FOXI3: variants seen among roughly 807,000 people sequenced by gnomAD.
The protein encoded by FOXI3 is forkhead box protein I3.
A neutral mutation model predicts 15.6 loss-of-function variants in FOXI3; 4 were observed. The observed-to-expected ratio is 0.26, with a 90% confidence interval of 0.13 to 0.59. The LOEUF (loss-of-function observed/expected upper bound fraction) is 0.59, where lower values mean the gene tolerates loss of function less well. Among genes scored for constraint, FOXI3 ranks in the 20% least tolerant of loss-of-function variants. FOXI3 has a pLI of 0.90. For missense variants in FOXI3, 489 were observed against 548.2 expected (o/e 0.89, Z 1.08); for synonymous variants, 238 against 244.4 (o/e 0.97, Z 0.25).
chr2:88,448,912 C>G, intron 1 of FOXI3, 83 bp from the exon 2 acceptor site: 3 of 1,403,994 alleles, frequency 2.1e-6, no homozygotes, highest in East Asian at 2.5e-5. Context: ...GGAGAGCAGA[C>G]TCTCATTAGA....
In FOXI3 at chr2:88,447,139, A is replaced by G. The variant is rs751978127; in HGVS notation, c.*1068T>C. The G allele has an allele frequency of 6.6e-6, 1 of 152,236 alleles. No homozygotes were observed. The highest frequency in any genetic ancestry group is 1.5e-5 in the Non-Finnish European group (1 of 68,050). 9.4% of individuals were successfully genotyped at this position (152,236 alleles called of 1,614,324 possible). On this transcript the variant is annotated 3_prime_UTR_variant, in exon 2 of 2. Transcript: ENST00000428390. ...ATGGAAAATGGGGGGTAGTAACAAT[A>G]CCCACCACCCAAGGTTTCTGAGAGG...
At chr2:88,450,969 C>T (rs1676034624) in intron 1 of FOXI3, among the ~76,000 whole-genome samples, 1 of 152,182 alleles carries the variant, frequency 6.6e-6, no homozygotes, top group Non-Finnish European at 1.5e-5. Context: ...GGGATGAGCT[C>T]ATTCTGAGCT....
chr2:88,449,825 T>C (rs951025886), intron 1 of FOXI3, among the ~76,000 whole-genome samples: 2 of 152,194 alleles, frequency 1.3e-5, no homozygotes, highest in African/African-American at 4.8e-5. Context: ...TTTATGGCGA[T>C]AGGCAATATA....
In FOXI3 at chr2:88,448,529, G is replaced by T; in HGVS notation, c.941C>A (p.Thr314Asn). The stretch of plus-strand genomic sequence containing the variant: ...CAAGGAGCTGAGGCTGCTGAAGAAA[G>T]TGTTGAGACAAGGGGTGGAGGTGAG... Reference protein sequence around the residue: ...PMLTSTPCLNTFFSSLSSLSV... With the variant: ...PMLTSTPCLNNFFSSLSSLSV... Residue 314 changes from threonine (T) to asparagine (N), a missense_variant, in exon 2 of 2, where the codon ACT (threonine) becomes AAT (asparagine). By Grantham distance (65) the Thr-to-Asn change is moderately conservative (BLOSUM62 0). Around this residue, in one of 3 missense-constraint regions of FOXI3, gnomAD observed 263 missense variants for 285.5 expected, o/e 0.92. Transcript: ENST00000428390. 6.4e-7 allele frequency: 1 copy of T among 1,551,694 alleles called. No individual in the cohort carries two copies. Among genetic ancestry groups the T allele is most frequent in the Non-Finnish European group, 8.7e-7 (1 of 1,147,002 alleles).
Position 88,452,281 on chromosome 2 carries a change from G to A in FOXI3, c.255C>T (p.Pro85=). The change falls in exon 1 of 2, where the codon CCC becomes CCT. Residue 85 remains proline, a synonymous_variant. Coordinates refer to ENST00000428390, the MANE Select transcript of FOXI3 (RefSeq NM_001135649.3). ...GCAGAAAGGGCCCGGCCGCGGCCCC[G>A]GGGGGCGGCGGCGGCGGCGGAGCGC... ...YLGAPPPPPP[P]GAAAGPFLQP... 1 of 983,288 alleles carries A rather than the reference G, an allele frequency of 1.0e-6. No homozygotes were observed. The highest frequency in any genetic ancestry group is 1.1e-4 in the East Asian group (1 of 8,760). 60.9% of individuals were successfully genotyped at this position (983,288 alleles called of 1,614,324 possible).
rs1202398083 is a variant in FOXI3, at chr2:88,447,551, C to T, written c.*656G>A. 1 of 152,786 alleles carries T rather than the reference C, an allele frequency of 6.5e-6. No individual in the cohort carries two copies. Among genetic ancestry groups the T allele is most frequent in the Non-Finnish European group, 1.5e-5 (1 of 68,542 alleles). The allele number at this position is 152,786 out of a possible 1,614,324, so 9.5% of individuals were successfully genotyped here. On this transcript the variant is annotated 3_prime_UTR_variant, in exon 2 of 2. Coordinates refer to ENST00000428390, the MANE Select transcript of FOXI3 (RefSeq NM_001135649.3). ...CGAAACCCTATCTCTACTAAAAATA[C>T]AAAACATTAGCTGGATGTGGTGGCA...
In FOXI3 at chr2:88,448,476, G is replaced by A. The variant is rs933758886; in HGVS notation, c.994C>T (p.Arg332Trp). 6.4e-6 allele frequency: 10 copies of A among 1,551,566 alleles called. No homozygotes were observed. Among genetic ancestry groups the A allele is most frequent in the African/African-American group, 5.5e-5 (4 of 73,040 alleles). The stretch of plus-strand genomic sequence containing the variant: ...AGGTGGCGGCTGCCAGGGAGAGCCC[G>A]CTGGGTACTCACACTGCTGCTGACA... ...LSVSSSVSTQ[R>W]ALPGSRHLGI... Residue 332 changes from arginine to tryptophan, a missense_variant, in exon 2 of 2, where the codon CGG becomes TGG. Physicochemically the swap from Arg to Trp is moderately radical, Grantham distance 101 (BLOSUM62 -3). Transcript: ENST00000428390.
In FOXI3 at chr2:88,451,138, C is replaced by T. The variant is rs563870733; in HGVS notation, c.640+758G>A. Among the ~76,000 whole-genome samples, 9 of 152,258 alleles carry T rather than the reference C, an allele frequency of 5.9e-5. No individual in the cohort carries two copies. The South Asian group carries it at 1.9e-3, about 32-fold the overall frequency. On this transcript the variant is annotated intron_variant, in intron 1 of 1. Transcript: ENST00000428390. Reference sequence around the variant, plus strand: ...AAGTAGGATTCTCTGTTTCTCTCTTCTTGTTAATCATTTCTCCACCTCTAC... The same window carrying T: ...AAGTAGGATTCTCTGTTTCTCTCTTTTTGTTAATCATTTCTCCACCTCTAC...
Position 88,452,252 on chromosome 2 carries a change from G to T in FOXI3, c.284C>A (p.Pro95Gln). 9.7e-7 allele frequency: 1 copy of T among 1,033,724 alleles called. No individual in the cohort carries two copies. The highest frequency in any genetic ancestry group is 4.4e-5 in the South Asian group (1 of 22,636). The allele number at this position is 1,033,724 out of a possible 1,614,324, so 64.0% of individuals were successfully genotyped here. A position where few individuals can be genotyped will look rare whatever the true frequency, so the allele number is the denominator to read the frequency against. Residue 95 changes from proline (P) to glutamine (Q), a missense_variant, in exon 1 of 2, where the codon CCA becomes CAA. Physicochemically the swap from Pro to Gln is moderately conservative, Grantham distance 76. Coordinates refer to ENST00000428390, the MANE Select transcript of FOXI3 (RefSeq NM_001135649.3). ...PGAAAGPFLQ[P>Q]PPAAGTFGCS... Reference sequence around the variant, plus strand: ...GCCGAAGGTGCCGGCGGCAGGCGGTGGCTGCAGAAAGGGCCCGGCCGCGGC... The same window carrying T: ...GCCGAAGGTGCCGGCGGCAGGCGGTTGCTGCAGAAAGGGCCCGGCCGCGGC...
At chr2:88,451,452 G>C (rs67175137) in intron 1 of FOXI3, among the ~76,000 whole-genome samples, 18,906 of 152,138 alleles carry the variant, frequency 0.12, 1,449 homozygotes, top group East Asian at 0.24. Flanking sequence ...TGCACCTAGG[G>C]ACAGCCGGGC....
chr2:88,451,973 C>G lies in FOXI3; in HGVS notation c.563G>C (p.Gly188Ala). 3 of 1,612,496 alleles carry G rather than the reference C, an allele frequency of 1.9e-6. No homozygotes were observed. Among genetic ancestry groups the G allele is most frequent in the South Asian group, 1.1e-5 (1 of 90,846 alleles). ...SFPFYQRSKA[G>A]WQNSIRHNLS... ...GTTGTGGCGGATGGAGTTCTGCCAGCCGGCCTTGCTGCGCTGGTAGAAGGG... is the reference window on the plus strand; with the variant it reads ...GTTGTGGCGGATGGAGTTCTGCCAGGCGGCCTTGCTGCGCTGGTAGAAGGG... Residue 188 changes from glycine (G) to alanine (A), a missense_variant, in exon 1 of 2, where the codon GGC becomes GCC. Physicochemically the swap from Gly to Ala is moderately conservative, Grantham distance 60 (BLOSUM62 0). Transcript: ENST00000428390.
chr2:88,452,424 C>G lies in FOXI3; in HGVS notation c.112G>C (p.Gly38Arg). The stretch of plus-strand genomic sequence containing the variant: ...GGCGGCGCGGCGTAGTCGGCCAGCC[C>G]GTAAGGCGCCCTGGCTGCCGGGGGG... ...GAPPAARAPYGLADYAAPPAA... is the reference protein window; with the variant it reads ...GAPPAARAPYRLADYAAPPAA... The change falls in exon 1 of 2, where the codon GGG (glycine) becomes CGG (arginine). Residue 38 changes from glycine (G) to arginine (R), a missense_variant. Gly to Arg is a moderately radical substitution (Grantham distance 125). This residue lies in a region of FOXI3 where 224 missense variants were observed against 245.7 expected (regional missense o/e 0.91). Transcript: ENST00000428390. 2.0e-6 allele frequency: 2 copies of G among 1,018,538 alleles called. No homozygotes were observed. Among genetic ancestry groups the G allele is most frequent in the Non-Finnish European group, 2.3e-6 (2 of 853,644 alleles). 63.1% of individuals were successfully genotyped at this position (1,018,538 alleles called of 1,614,324 possible). A position where few individuals can be genotyped will look rare whatever the true frequency, so the allele number is the denominator to read the frequency against.
At position 88,452,028 on chromosome 2, in the gene FOXI3, G is replaced by A; in HGVS notation, c.508C>T (p.His170Tyr). ...SAPERKLTLS[H>Y]IYQFVADSFP... The stretch of plus-strand genomic sequence containing the variant: ...CTATCGGCGACGAACTGGTAGATGT[G>A]GCTGAGAGTGAGTTTGCGCTCGGGC... Residue 170 changes from histidine (H) to tyrosine (Y), a missense_variant, in exon 1 of 2, where the codon CAC becomes TAC. Physicochemically the swap from His to Tyr is moderately conservative, Grantham distance 83 (BLOSUM62 2). Coordinates refer to ENST00000428390, the MANE Select transcript of FOXI3 (RefSeq NM_001135649.3). The A allele has an allele frequency of 1.9e-6, 3 of 1,604,616 alleles. No homozygotes were observed. The highest frequency in any genetic ancestry group is 2.6e-6 in the Non-Finnish European group (3 of 1,175,594).
Position 88,448,763 on chromosome 2 carries a change from C to T in FOXI3, c.707G>A (p.Arg236Gln), listed in dbSNP as rs182321240. ...GGCCTCAGAGCGGCGCTTTCGCTTC[C>T]GACGGAAGTTCCCATTGTCAAACAT... ...EKMFDNGNFR[R>Q]KRKRRSEASN... The change falls in exon 2 of 2, where the codon CGG (arginine) becomes CAG (glutamine). Residue 236 changes from arginine to glutamine, a missense_variant. Arg to Gln is a conservative substitution (Grantham distance 43, BLOSUM62 1). Transcript: ENST00000428390. The T allele has an allele frequency of 1.3e-5, 20 of 1,551,802 alleles. No homozygotes were observed. The highest frequency in any genetic ancestry group is 2.4e-5 in the East Asian group (1 of 40,918).
chr2:88,448,913 T>C, intron 1 of FOXI3, 84 bp from the exon 2 acceptor site: 1 of 1,383,988 alleles, frequency 7.2e-7, no homozygotes, highest in South Asian at 1.5e-5. Context: ...GAGAGCAGAC[T>C]CTCATTAGAT....
At chr2:88,450,553 C>G (rs1326756027) in intron 1 of FOXI3, among the ~76,000 whole-genome samples, 1 of 152,122 alleles carries the variant, frequency 6.6e-6, no homozygotes. Context: ...ATATCTCCAC[C>G]TATCTGGATA....
chr2:88,452,124 C>T lies in FOXI3; in HGVS notation c.412G>A (p.Glu138Lys), dbSNP rs1486600766. ...GGCCGCACCATCTTCATCAGGTCCTCGCGGCTGGCCATGGACAGCCAGCCC... is the reference window on the plus strand; with the variant it reads ...GGCCGCACCATCTTCATCAGGTCCTTGCGGCTGGCCATGGACAGCCAGCCC... The part of the protein sequence containing the change: ...ELGWLSMASR[E>K]DLMKMVRPPY... Residue 138 changes from glutamate (E) to lysine (K), a missense_variant, in exon 1 of 2, where the codon GAG (glutamate) becomes AAG (lysine). Physicochemically the swap from Glu to Lys is moderately conservative, Grantham distance 56 (BLOSUM62 1). This residue lies in a region of FOXI3 where 224 missense variants were observed against 245.7 expected (regional missense o/e 0.91). Coordinates refer to ENST00000428390, the MANE Select transcript of FOXI3 (RefSeq NM_001135649.3). The T allele has an allele frequency of 4.5e-6, 7 of 1,550,354 alleles. No homozygotes were observed. Among genetic ancestry groups the T allele is most frequent in the Non-Finnish European group, 6.1e-6 (7 of 1,147,050 alleles).
intron 1 of FOXI3, among the ~76,000 whole-genome samples, chr2:88,450,435 A>G (rs570107563): frequency 6.6e-6 from 1 of 152,050 alleles, no homozygotes; most frequent in Non-Finnish European, 1.5e-5. Flanking sequence ...AAAAAAAAAA[A>G]AAAAAACCTC....
chr2:88,448,126 A>G lies in FOXI3; in HGVS notation c.*81T>C. On this transcript the variant is annotated 3_prime_UTR_variant, in exon 2 of 2. Coordinates refer to ENST00000428390, the MANE Select transcript of FOXI3 (RefSeq NM_001135649.3). Reference sequence around the variant, plus strand: ...AAACGCAGAACTCAGGTCCTACCCCAGACCTACTGACTTGGAATCTGCATT... The same window carrying G: ...AAACGCAGAACTCAGGTCCTACCCCGGACCTACTGACTTGGAATCTGCATT... 2 of 1,299,968 alleles carry G rather than the reference A, an allele frequency of 1.5e-6. No homozygotes were observed. Among genetic ancestry groups the G allele is most frequent in the Non-Finnish European group, 2.1e-6 (2 of 946,442 alleles). 80.5% of individuals were successfully genotyped at this position (1,299,968 alleles called of 1,614,324 possible). A position where few individuals can be genotyped will look rare whatever the true frequency, so the allele number is the denominator to read the frequency against.
Sources: allele counts gnomAD v4.1 joint callset (sites outside exome capture counted in the v4.1 genomes callset), GRCh38; gene constraint gnomAD v4.1.1; regional missense constraint gnomAD v4.1.1; transcripts MANE v1.5; gene names NCBI Gene and HGNC (gene_info 2026-07-23, HGNC 2026-07-21).